Variants in UBASH3A observed in about 807,000 individuals in gnomAD.
UBASH3A encodes ubiquitin-associated and SH3 domain-containing protein A.
In UBASH3A, 63 loss-of-function variants were observed where a neutral mutation model predicts 73.5. That is an observed-to-expected ratio of 0.86 (90% CI 0.70 to 1.06). The LOEUF (loss-of-function observed/expected upper bound fraction) is 1.06. Among genes scored for constraint, UBASH3A ranks in the 50% least tolerant of loss-of-function variants. The pLI, the probability that UBASH3A is intolerant of heterozygous loss-of-function variation, is 0.00. For missense variants in UBASH3A, 860 were observed against 859.0 expected, an observed-to-expected ratio of 1.00 and a Z score of -0.02; for synonymous variants, 363 against 351.1, an observed-to-expected ratio of 1.03 and a Z score of -0.38.
Position 42,433,907 on chromosome 21 carries a change from C to T in UBASH3A, c.1271-925C>T, listed in dbSNP as rs79908055. Reference sequence around the variant, plus strand: ...ATATTCTGGGGTGCAAAGGGCAGGGCCTGCTATGTATGGCAGAGCAGGTCT... The same window carrying T: ...ATATTCTGGGGTGCAAAGGGCAGGGTCTGCTATGTATGGCAGAGCAGGTCT... On this transcript the variant is annotated intron_variant, in intron 9 of 14. Coordinates refer to ENST00000319294, the MANE Select transcript of UBASH3A (RefSeq NM_018961.4). Among the ~76,000 whole-genome samples the T allele has an allele frequency of 3.4e-3, 518 of 152,260 alleles. 5 individuals are homozygous for T. Among genetic ancestry groups the T allele is most frequent in the African/African-American group, 0.012 (485 of 41,544 alleles).
chr21:42,405,175 G>A (rs753566018), intron 1 of UBASH3A, among the ~76,000 whole-genome samples: 36 of 152,112 alleles, frequency 2.4e-4, no homozygotes, highest in Non-Finnish European at 4.9e-4. Flanking sequence ...GGGCTTTGTC[G>A]TCACTGTTAT....
At chr21:42,419,803 T>C (rs7276555) in intron 7 of UBASH3A, among the ~76,000 whole-genome samples, 30,826 of 152,172 alleles carry the variant, frequency 0.2, 4,431 homozygotes, top group African/African-American at 0.4. Context: ...CTGTGCTACA[T>C]TTTCAGTACA....
chr21:42,445,533 C>T (rs1481529229), intron 14 of UBASH3A, among the ~76,000 whole-genome samples: 2 of 152,228 alleles, frequency 1.3e-5, no homozygotes, highest in Non-Finnish European at 2.9e-5. Flanking sequence ...AGGAGCCCAA[C>T]TCCCGGGCCC....
intron 11 of UBASH3A, among the ~76,000 whole-genome samples, chr21:42,439,125 C>T (rs183352904): frequency 2.6e-5 from 4 of 152,156 alleles, no homozygotes; most frequent in South Asian, 2.1e-4. Flanking sequence ...CAGCCAGGAG[C>T]GGACCTGGTT....
intron 11 of UBASH3A, among the ~76,000 whole-genome samples, chr21:42,438,124 C>T (rs2053661700): frequency 6.6e-6 from 1 of 152,210 alleles, no homozygotes; most frequent in South Asian, 2.1e-4. Flanking sequence ...AGCCTGAACC[C>T]TGTCCTGCTC....
chr21:42,420,727 A>C (rs1320656056), intron 7 of UBASH3A, among the ~76,000 whole-genome samples: 1 of 152,166 alleles, frequency 6.6e-6, no homozygotes, highest in African/African-American at 2.4e-5. Flanking sequence ...AGTCACAGAC[A>C]CAGCTGCTAT....
rs1396084964 is a variant in UBASH3A at position 42,412,272 on chromosome 21, T to C, written c.355-752T>C. 2.0e-5 allele frequency among the ~76,000 whole-genome samples: 3 copies of C among 152,018 alleles called. No homozygotes were observed. The East Asian group carries it at 5.8e-4, about 29-fold the overall frequency. ...TCGGGCCAGCACCTGTCGGGCTCCG[T>C]GGGCCTGAGGGATTCTCCAGGTGAC... On this transcript the variant is annotated intron_variant, in intron 3 of 14. Transcript: ENST00000319294.
chr21:42,436,709 T>C (rs2146589157), intron 10 of UBASH3A, among the ~76,000 whole-genome samples: 1 of 152,340 alleles, frequency 6.6e-6, no homozygotes, highest in East Asian at 1.9e-4. Flanking sequence ...TCATCAGCTT[T>C]CAGGCTGTGC....
intron 10 of UBASH3A, 42 bp downstream of exon 10, chr21:42,434,996 G>T: frequency 6.2e-7 from 1 of 1,608,096 alleles, no homozygotes; most frequent in Non-Finnish European, 8.5e-7. Context: ...AACAATAACA[G>T]CAACACTGAT....
Position 42,413,024 on chromosome 21 carries a change from T to C in UBASH3A, c.355T>C (p.Cys119Arg). 2 of 1,613,712 alleles carry C rather than the reference T, an allele frequency of 1.2e-6. No individual in the cohort carries two copies. The highest frequency in any genetic ancestry group is 1.7e-6 in the Non-Finnish European group (2 of 1,179,612). Residue 119 changes from cysteine to arginine, a missense_variant and splice_region_variant, in exon 4 of 15, where the codon TGT (cysteine) becomes CGT (arginine). By Grantham distance (180) the Cys-to-Arg change is radical. Transcript: ENST00000319294. The surrounding 1 kb of genome is among the most constrained non-coding windows in gnomAD (Gnocchi z 4.5). ...ACAGGCTCTGTCTCTGTCCCCTTAG[T>C]GTGAAGACCAGAAGGTGGAATGCCT... ...PHVTLCDFFT[C>R]EDQKVECLYE...
Position 42,413,074 on chromosome 21 carries a change from A to T in UBASH3A, c.405A>T (p.Gly135=). ...ECLYEALKRA[G]DRLLGSFPTA... ...TGTACGAGGCGCTGAAGAGAGCTGG[A>T]GACAGGCTCCTGGGCTCCTTCCCCA... Residue 135 remains glycine (G), a synonymous_variant, in exon 4 of 15, where the codon GGA becomes GGT. Coordinates refer to ENST00000319294, the MANE Select transcript of UBASH3A (RefSeq NM_018961.4). The surrounding 1 kb of genome is among the most constrained non-coding windows in gnomAD (Gnocchi z 4.5). The T allele has an allele frequency of 6.2e-7, 1 of 1,614,234 alleles. No homozygotes were observed. Among genetic ancestry groups the T allele is most frequent in the Non-Finnish European group, 8.5e-7 (1 of 1,180,018 alleles).
intron 2 of UBASH3A, among the ~76,000 whole-genome samples, chr21:42,407,897 C>T (rs923377694): frequency 2.0e-5 from 3 of 152,246 alleles, no homozygotes; most frequent in African/African-American, 7.2e-5. Context: ...TATATGTATA[C>T]ATGAACTATT....
chr21:42,416,336 C>T, intron 5 of UBASH3A, 106 bp from the exon 6 acceptor site: 2 of 1,247,402 alleles, frequency 1.6e-6, no homozygotes, highest in Non-Finnish European at 2.2e-6. Context: ...CAAATGAGCT[C>T]TGAGTTCTGA....
In UBASH3A at chr21:42,443,384, C is replaced by T. The variant is rs1209142312; in HGVS notation, c.1704C>T (p.Ser568=). 2 of 1,612,932 alleles carry T rather than the reference C, an allele frequency of 1.2e-6. No individual in the cohort carries two copies. The highest frequency in any genetic ancestry group is 1.7e-6 in the Non-Finnish European group (2 of 1,179,398). ...YQEYMDRCTA[S]MVQIVNTCPQ... ...AGTACATGGACAGGTGCACGGCGAG[C>T]ATGGTGCAAATCGTCAACACCTGTC... The change falls in exon 13 of 15, where the codon AGC becomes AGT. Residue 568 remains serine, a synonymous_variant. Transcript: ENST00000319294.
chr21:42,430,211 G>A (rs943585394), intron 8 of UBASH3A, among the ~76,000 whole-genome samples: 2 of 152,190 alleles, frequency 1.3e-5, no homozygotes, highest in African/African-American at 4.8e-5. Flanking sequence ...CAGAGCGAGT[G>A]GCCAGTTAGT....
chr21:42,410,036 C>G, intron 3 of UBASH3A: 1 of 700,910 alleles, frequency 1.4e-6, no homozygotes, highest in East Asian at 2.7e-5. Context: ...AGAGTTTGTG[C>G]TTCCAAAATG....
chr21:42,414,755 G>A (rs138177168), intron 5 of UBASH3A, among the ~76,000 whole-genome samples: 14 of 152,312 alleles, frequency 9.2e-5, no homozygotes, highest in Non-Finnish European at 1.5e-4. Context: ...AGGAGCTTTC[G>A]GGGAGAGCAC....
chr21:42,427,841 C>G (rs1037417690), intron 8 of UBASH3A, among the ~76,000 whole-genome samples: 4 of 152,172 alleles, frequency 2.6e-5, no homozygotes, highest in Non-Finnish European at 5.9e-5. Flanking sequence ...AAGGCTCTGC[C>G]GGGACTTGTC....
At chr21:42,404,630 C>G (rs989132717) in intron 1 of UBASH3A, among the ~76,000 whole-genome samples, 1 of 152,150 alleles carries the variant, frequency 6.6e-6, no homozygotes, top group Admixed American at 6.5e-5. Context: ...CTGAAAGTGG[C>G]GTTTCAAGAT....
Sources: gnomAD v4.1 joint callset for allele counts (sites outside exome capture counted in the v4.1 genomes callset) on GRCh38, gnomAD v4.1.1 for gene constraint, Gnocchi (gnomAD v3.1) non-coding constraint, MANE v1.5 for transcripts, NCBI Gene and HGNC (gene_info 2026-07-23, HGNC 2026-07-21) for gene names.